Variants in DAB1 observed in about 807,000 individuals in gnomAD.
DAB1 encodes DAB adaptor protein 1.
In DAB1, 15 loss-of-function variants were observed where a neutral mutation model predicts 64.6. The ratio of observed to expected loss-of-function variants is 0.23; its 90% CI spans 0.16 to 0.36. The LOEUF (loss-of-function observed/expected upper bound fraction) is 0.36, where lower values mean the gene tolerates loss of function less well. DAB1 is among the 10% of genes least tolerant of loss of function. The probability of loss-of-function intolerance (pLI) is 1.00; values close to 1 mark genes in which losing one functional copy is unlikely to be tolerated. For missense variants in DAB1, 596 were observed against 706.7 expected (o/e 0.84, Z 1.78); for synonymous variants, 235 against 251.9 (o/e 0.93, Z 0.64).
intron 2 of DAB1, among the ~76,000 whole-genome samples, chr1:57,243,476 T>A (rs1044464504): frequency 2.6e-5 from 4 of 151,348 alleles, no homozygotes; most frequent in African/African-American, 7.3e-5. Context: ...ATGAGATGCA[T>A]GTGTGTGTGT....
chr1:58,371,032 G>A (rs1192182622), intron 3 of DAB1, among the ~76,000 whole-genome samples: 1 of 152,232 alleles, frequency 6.6e-6, no homozygotes, highest in Non-Finnish European at 1.5e-5. Context: ...GAAAGTGGAA[G>A]CTACTTTAGA....
chr1:57,264,068 GC>G (rs1447522357), intron 2 of DAB1, among the ~76,000 whole-genome samples: 1 of 152,102 alleles, frequency 6.6e-6, no homozygotes, highest in Non-Finnish European at 1.5e-5. Context: ...TATATATCAT[GC>G]TATACTCTTG....
At chr1:57,671,338 T>C (rs1359229549) in intron 6 of DAB1, among the ~76,000 whole-genome samples, 1 of 152,094 alleles carries the variant, frequency 6.6e-6, no homozygotes, top group Non-Finnish European at 1.5e-5. Flanking sequence ...TGTATAACCA[T>C]GTAAAATGCA....
chr1:58,296,264 A>AG (rs1322756065), intron 4 of DAB1, among the ~76,000 whole-genome samples: 1 of 150,010 alleles, frequency 6.7e-6, no homozygotes, highest in Non-Finnish European at 1.5e-5. Context: ...AAAGAAAGAA[A>AG]AGTGAGGCAG....
At chr1:57,091,022 C>T (rs571709409) in intron 4 of DAB1, among the ~76,000 whole-genome samples, 8 of 152,232 alleles carry the variant, frequency 5.3e-5, no homozygotes, top group South Asian at 2.1e-4. Flanking sequence ...CCTCACCCCG[C>T]CCCACCCCAA....
chr1:58,337,274 T>C, intron 4 of DAB1, among the ~76,000 whole-genome samples: 1 of 144,606 alleles, frequency 6.9e-6, no homozygotes, highest in Non-Finnish European at 1.5e-5. Context: ...AGAGCGAGAC[T>C]CTGTCTCAAA....
At chr1:58,062,670 C>T (rs903008241) in intron 5 of DAB1, among the ~76,000 whole-genome samples, 1 of 152,224 alleles carries the variant, frequency 6.6e-6, no homozygotes, top group Non-Finnish European at 1.5e-5. Context: ...CCAGGAGTTC[C>T]AGCCCTGATG....
In DAB1 at chr1:57,094,977, G is replaced by A. The variant is rs995797763; in HGVS notation, c.307-22563C>T. Among the ~76,000 whole-genome samples, 7 of 152,204 alleles carry A rather than the reference G, an allele frequency of 4.6e-5. No individual in the cohort carries two copies. In the Middle Eastern group the frequency reaches 0.017, roughly 370 times the overall value. ...ACTTGTACTCTGCAACCTCATTCAT[G>A]TTGACTTTGCTCACTTTCAACCTCT... On this transcript the variant is annotated intron_variant, in intron 4 of 14. Coordinates refer to ENST00000371236, the MANE Select transcript of DAB1 (RefSeq NM_001365792.1).
At chr1:57,600,589 A>C (rs1346703339) in intron 7 of DAB1, among the ~76,000 whole-genome samples, 1 of 152,168 alleles carries the variant, frequency 6.6e-6, no homozygotes, top group Non-Finnish European at 1.5e-5. Flanking sequence ...GGATGGGTTA[A>C]GGCAGGGCCT....
intron 2 of DAB1, among the ~76,000 whole-genome samples, chr1:58,520,731 C>T (rs1646248748): frequency 6.6e-6 from 1 of 151,880 alleles, no homozygotes. Context: ...GATTTTATTG[C>T]AAGAAAAGGA....
At chr1:57,559,517 T>C (rs1645027427) in intron 7 of DAB1, among the ~76,000 whole-genome samples, 1 of 152,202 alleles carries the variant, frequency 6.6e-6, no homozygotes, top group African/African-American at 2.4e-5. Context: ...TTTCGGGGAC[T>C]ATTGGACACC....
At chr1:58,437,264 G>T (rs1331232127) in intron 3 of DAB1, among the ~76,000 whole-genome samples, 1 of 152,128 alleles carries the variant, frequency 6.6e-6, no homozygotes, top group Admixed American at 6.5e-5. Flanking sequence ...CTGCATTTTT[G>T]ACAAGTATCC....
chr1:58,264,455 T>G (rs574802), intron 4 of DAB1, among the ~76,000 whole-genome samples: 4 of 152,072 alleles, frequency 2.6e-5, no homozygotes, highest in Admixed American at 1.3e-4. Context: ...TAGTGGCCGC[T>G]GTAACAAAGA....
chr1:57,406,220 T>C (rs1683628762), intron 1 of DAB1, among the ~76,000 whole-genome samples: 1 of 152,164 alleles, frequency 6.6e-6, no homozygotes, highest in African/African-American at 2.4e-5. Flanking sequence ...CAGCACAGTA[T>C]TCAGAACATA....
chr1:57,672,030 T>C (rs1302933473), intron 6 of DAB1, among the ~76,000 whole-genome samples: 1 of 152,150 alleles, frequency 6.6e-6, no homozygotes, highest in Non-Finnish European at 1.5e-5. Flanking sequence ...GCTAAGCTCT[T>C]ACATTCATTA....
At chr1:57,941,567 T>C (rs1645105059) in intron 5 of DAB1, among the ~76,000 whole-genome samples, 1 of 152,258 alleles carries the variant, frequency 6.6e-6, no homozygotes, top group African/African-American at 2.4e-5. Flanking sequence ...CCGGGCATGG[T>C]GGCTCACGCC....
At position 57,023,632 on chromosome 1, in the gene DAB1, G is replaced by A; in HGVS notation, c.794C>T (p.Ala265Val). 2 of 1,606,484 alleles carry A rather than the reference G, an allele frequency of 1.2e-6. No homozygotes were observed. The highest frequency in any genetic ancestry group is 8.5e-7 in the Non-Finnish European group (1 of 1,174,960). Reference sequence around the variant, plus strand: ...TGGGATAAAGGCATCACCTGGAGTTGCAGGAGTCTGCCAGACAGAGAGAGG... The same window carrying A: ...TGGGATAAAGGCATCACCTGGAGTTACAGGAGTCTGCCAGACAGAGAGAGG... ...PPDITSPPTP[A>V]TPGDAFIPSS... The change falls in exon 11 of 15, where the codon GCA (alanine) becomes GTA (valine). Residue 265 changes from alanine (A) to valine (V), a missense_variant. Coordinates refer to ENST00000371236, the MANE Select transcript of DAB1 (RefSeq NM_001365792.1).
intron 1 of DAB1, among the ~76,000 whole-genome samples, chr1:57,421,393 A>T (rs988667756): frequency 6.6e-6 from 1 of 152,212 alleles, no homozygotes; most frequent in African/African-American, 2.4e-5. Flanking sequence ...GACCTCAAGC[A>T]AACCATTAAA....
chr1:57,292,266 T>C (rs1398567242), intron 1 of DAB1, among the ~76,000 whole-genome samples: 2 of 152,196 alleles, frequency 1.3e-5, no homozygotes, highest in African/African-American at 2.4e-5. Context: ...GAAAGTCTAA[T>C]ATAAAAGCCA....
Sources: gnomAD v4.1 joint callset for allele counts (sites outside exome capture counted in the v4.1 genomes callset) on GRCh38, gnomAD v4.1.1 for gene constraint, MANE v1.5 for transcripts, NCBI Gene and HGNC (gene_info 2026-07-23, HGNC 2026-07-21) for gene names.